The following ZMYND8 variants were observed in gnomAD, a reference collection of about 807,000 sequenced individuals.
ZMYND8 encodes zinc finger MYND-type containing 8.
In ZMYND8, 37 loss-of-function variants were observed where a neutral mutation model predicts 140.8. The ratio of observed to expected loss-of-function variants is 0.26; its 90% confidence interval spans 0.20 to 0.35. ZMYND8 has a LOEUF of 0.35. Among genes scored for constraint, ZMYND8 ranks in the 10% least tolerant of loss-of-function variants. The pLI is 1.00. For synonymous variants in ZMYND8, 592 were observed against 597.1 expected (o/e 0.99, Z 0.12); for missense variants, 1,068 against 1,570.0 (o/e 0.68, Z 5.40).
At chr20:47,212,140 C>T (rs2035362378) in intron 22 of ZMYND8, among the ~76,000 whole-genome samples, 1 of 152,178 alleles carries the variant, frequency 6.6e-6, no homozygotes, top group Admixed American at 6.5e-5. Context: ...CTGGTCATCC[C>T]CATCTGGGAG....
In ZMYND8 at chr20:47,210,693, GTTTC is replaced by G. The variant is rs1318407186; in HGVS notation, c.*64_*67del. 6 of 1,612,840 alleles carry G rather than the reference GTTTC, an allele frequency of 3.7e-6. No homozygotes were observed. Among genetic ancestry groups the G allele is most frequent in the Non-Finnish European group, 5.1e-6 (6 of 1,179,244 alleles). ...AAGTGGCTGTTCTCCTGCCTTTGTTGTTTCTTCTTTTCCTGGCGTCTGGGTTTTT... is the reference window on the plus strand; with the variant it reads ...AAGTGGCTGTTCTCCTGCCTTTGTTGTTCTTTTCCTGGCGTCTGGGTTTTT... On this transcript the variant is annotated 3_prime_UTR_variant, in exon 23 of 23. Coordinates refer to ENST00000471951, the MANE Select transcript of ZMYND8 (RefSeq NM_001281775.3).
At chr20:47,341,227 C>A (rs2081851898) in intron 2 of ZMYND8, among the ~76,000 whole-genome samples, 1 of 152,120 alleles carries the variant, frequency 6.6e-6, no homozygotes, top group Non-Finnish European at 1.5e-5. Flanking sequence ...TATATCCTTC[C>A]TTGTCTACTG....
intron 2 of ZMYND8, among the ~76,000 whole-genome samples, chr20:47,340,083 C>G (rs1052127853): frequency 6.6e-6 from 1 of 152,046 alleles, no homozygotes; most frequent in Non-Finnish European, 1.5e-5. Flanking sequence ...GCTGAGATTA[C>G]AGGTGCCTGC....
At chr20:47,247,960 C>G (rs967886539) in intron 13 of ZMYND8, among the ~76,000 whole-genome samples, 5 of 152,122 alleles carry the variant, frequency 3.3e-5, no homozygotes, top group Non-Finnish European at 5.9e-5. Flanking sequence ...TACAAACACC[C>G]AGATCTGGTA....
chr20:47,287,410 A>AC (rs764081302), intron 7 of ZMYND8, 126 bp from the exon 8 acceptor site: 2 of 785,092 alleles, frequency 2.5e-6, no homozygotes, highest in Non-Finnish European at 4.3e-6. Flanking sequence ...AAAGGCTAAA[A>AC]CCAGAGGTTC....
rs1429040409 is a variant in ZMYND8, at chr20:47,210,857, A to G, written c.3609T>C (p.Asp1203=). ...RSNKSSWSSS[D]EKRGSTRSDH... ...CGGAACGTGTCGATCCCCTCTTCTCATCACTGCTGCTCCAACTGGATTTAT... is the reference window on the plus strand; with the variant it reads ...CGGAACGTGTCGATCCCCTCTTCTCGTCACTGCTGCTCCAACTGGATTTAT... The change falls in exon 23 of 23, where the codon GAT becomes GAC. Residue 1203 remains aspartate, a synonymous_variant. Transcript: ENST00000471951. 3 of 1,613,968 alleles carry G rather than the reference A, an allele frequency of 1.9e-6. No individual in the cohort carries two copies. The highest frequency in any genetic ancestry group is 2.2e-5 in the East Asian group (1 of 44,862).
intron 12 of ZMYND8, 41 bp downstream of exon 12, chr20:47,262,245 CCA>C (rs756967883): frequency 1.9e-5 from 30 of 1,613,164 alleles, no homozygotes; most frequent in East Asian, 4.5e-5. Flanking sequence ...GCAAAAATAT[CCA>C]CAGTTGCCAC....
intron 21 of ZMYND8, among the ~76,000 whole-genome samples, chr20:47,213,708 G>T (rs1433061622): frequency 6.6e-6 from 1 of 152,210 alleles, no homozygotes; most frequent in Non-Finnish European, 1.5e-5. Flanking sequence ...AGCTAAGGAG[G>T]CAAGTGTTTC....
Position 47,310,196 on chromosome 20 carries a change from A to G in ZMYND8, c.94T>C (p.Ser32Pro). Residue 32 changes from serine (S) to proline (P), a missense_variant, in exon 3 of 23, where the codon TCT (serine) becomes CCT (proline). Around this residue, in one of 10 missense-constraint regions of ZMYND8, gnomAD observed 77 missense variants for 85.1 expected, o/e 0.91. Coordinates refer to ENST00000471951, the MANE Select transcript of ZMYND8 (RefSeq NM_001281775.3). ...DISTRSKDPGSAERTAQKRKF... is the reference protein window; with the variant it reads ...DISTRSKDPGPAERTAQKRKF... ...CTTTTCTGGGCTGTTCTCTCTGCAG[A>G]GCCAGGATCTGAAAGAGATACAGGA... is the stretch of plus-strand genomic sequence containing the variant. 6.2e-7 allele frequency: 1 copy of G among 1,604,406 alleles called. No homozygotes were observed. The highest frequency in any genetic ancestry group is 8.5e-7 in the Non-Finnish European group (1 of 1,177,704).
chr20:47,313,488 G>A (rs2079119955), intron 2 of ZMYND8, among the ~76,000 whole-genome samples: 2 of 152,002 alleles, frequency 1.3e-5, no homozygotes, highest in Admixed American at 6.6e-5. Context: ...CGGGCGTGGT[G>A]GCGGGCGCCT....
chr20:47,229,009 C>CT (rs2038105049), intron 17 of ZMYND8, among the ~76,000 whole-genome samples: 1 of 149,940 alleles, frequency 6.7e-6, no homozygotes, highest in Non-Finnish European at 1.5e-5. Flanking sequence ...TTTTTTTTTC[C>CT]TTAAGAGACA....
chr20:47,228,515 C>G (rs1305229882), intron 17 of ZMYND8, among the ~76,000 whole-genome samples: 1 of 152,234 alleles, frequency 6.6e-6, no homozygotes, highest in Non-Finnish European at 1.5e-5. Flanking sequence ...CCAATTCTTA[C>G]AACGTATACA....
intron 10 of ZMYND8, 110 bp from the exon 11 acceptor site, chr20:47,276,905 T>TA: frequency 1.1e-6 from 1 of 901,704 alleles, no homozygotes; most frequent in Non-Finnish European, 1.5e-6. Flanking sequence ...AGATTCTTAT[T>TA]CTATTAAAAA....
intron 12 of ZMYND8, among the ~76,000 whole-genome samples, chr20:47,258,377 C>G (rs557804377): frequency 6.6e-6 from 1 of 152,372 alleles, no homozygotes; most frequent in South Asian, 2.1e-4. Context: ...ATATTACCTA[C>G]TTTAAAGGTT....
rs140450160 is a variant in ZMYND8, at chr20:47,224,528, G to A, written c.3045C>T (p.Ser1015=). ...LELTMAEMRQ[S]LEQERDRLIA... is the part of the protein sequence containing the mutation. ...TGAGCCGGTCCCGCTCCTGCTCCAG[G>A]CTCTGCCGCATCTCCGCCATGGTCA... The change falls in exon 19 of 23, where the codon AGC becomes AGT. Residue 1015 remains serine, a synonymous_variant. Coordinates refer to ENST00000471951, the MANE Select transcript of ZMYND8 (RefSeq NM_001281775.3). The A allele has an allele frequency of 3.3e-5, 54 of 1,613,844 alleles. No homozygotes were observed. The African/African-American group carries it at 6.1e-4, about 18-fold the overall frequency.
At chr20:47,255,727 T>TAC (rs1301022264) in intron 12 of ZMYND8, among the ~76,000 whole-genome samples, 1 of 11,704 alleles carries the variant, frequency 8.5e-5, no homozygotes, top group Non-Finnish European at 1.7e-4. Flanking sequence ...TGTGTGTATA[T>TAC]ATATATATAT....
intron 12 of ZMYND8, among the ~76,000 whole-genome samples, chr20:47,250,821 T>C (rs895861049): frequency 1.3e-5 from 2 of 152,094 alleles, no homozygotes; most frequent in African/African-American, 2.4e-5. Flanking sequence ...CCAGAAGCAA[T>C]AAATTGCTCC....
intron 11 of ZMYND8, among the ~76,000 whole-genome samples, chr20:47,269,004 C>A (rs138413877): frequency 6.6e-6 from 1 of 152,004 alleles, no homozygotes; most frequent in Non-Finnish European, 1.5e-5. Context: ...AGTTCGAGAC[C>A]GGCCTGGCCA....
chr20:47,251,437 A>T (rs1422041224), intron 12 of ZMYND8, among the ~76,000 whole-genome samples: 1 of 152,006 alleles, frequency 6.6e-6, no homozygotes, highest in Non-Finnish European at 1.5e-5. Context: ...AAATACAAAA[A>T]GTAGCTGGGC....
Sources: allele counts gnomAD v4.1 joint callset (sites outside exome capture counted in the v4.1 genomes callset), GRCh38; gene constraint gnomAD v4.1.1; regional missense constraint gnomAD v4.1.1; transcripts MANE v1.5; gene names NCBI Gene and HGNC (gene_info 2026-07-23, HGNC 2026-07-21).